AP3D1: variants seen among roughly 807,000 people sequenced by gnomAD.
AP3D1 encodes adaptor related protein complex 3 subunit delta 1, also known as AP-3 complex subunit delta-1.
A neutral mutation model predicts 147.6 loss-of-function variants in AP3D1; 51 were observed. The observed-to-expected ratio is 0.35, with a 90% CI of 0.28 to 0.44. AP3D1 has a LOEUF of 0.44. Ranked by LOEUF, AP3D1 falls within the 20% of genes least tolerant of loss-of-function variation. The pLI is 1.00. For missense variants in AP3D1, 1,421 were observed against 1,624.2 expected (o/e 0.87, Z 2.15); for synonymous variants, 760 against 663.0 (o/e 1.15, Z -2.25).
In AP3D1 at chr19:2,138,734, CAG is replaced by C. The variant is rs1164306360; in HGVS notation, c.97-22_97-21del. On this transcript the variant is annotated intron_variant, in intron 1 of 31. Coordinates refer to ENST00000643116, the MANE Select transcript of AP3D1 (RefSeq NM_001261826.3). ...TTTTGCCTATAATGGGGGATAAACA[CAG>C]AGATTACAAACATCCAGCTAAGAGG... is the stretch of plus-strand genomic sequence containing the variant. 6.5e-7 allele frequency: 1 copy of C among 1,547,852 alleles called. No individual in the cohort carries two copies. The highest frequency in any genetic ancestry group is 8.9e-7 in the Non-Finnish European group (1 of 1,123,176).
intron 6 of AP3D1, among the ~76,000 whole-genome samples, chr19:2,129,904 C>T (rs947230228): frequency 6.6e-6 from 1 of 152,202 alleles, no homozygotes; most frequent in Admixed American, 6.5e-5. Context: ...CACACAGGGC[C>T]TTGGGATTCC....
chr19:2,132,320 A>G, intron 5 of AP3D1, 151 bp downstream of exon 5: 1 of 635,520 alleles, frequency 1.6e-6, no homozygotes, highest in Non-Finnish European at 2.8e-6. Context: ...CCGCTCCACC[A>G]GCTGACAGTG....
Position 2,115,369 on chromosome 19 carries a change from G to A in AP3D1, c.2199C>T (p.His733=), listed in dbSNP as rs372714138. The A allele has an allele frequency of 8.1e-6, 13 of 1,606,740 alleles. No individual in the cohort carries two copies. In the African/African-American group the frequency reaches 1.7e-4, roughly 21 times the overall value. ...TCTTGTCCTTCTCCAGCTTCTGCCG[G>A]TGCCGCCGCTCCTCCTCCAGCTTCA... The part of the protein sequence containing the change: ...QYVKLEEERR[H]RQKLEKDKRR... Residue 733 remains histidine (H), a synonymous_variant, in exon 20 of 32, where the codon CAC becomes CAT. Transcript: ENST00000643116.
chr19:2,132,663 A>T, intron 4 of AP3D1, 85 bp from the exon 5 acceptor site: 1 of 1,198,754 alleles, frequency 8.3e-7, no homozygotes, highest in South Asian at 1.3e-5. Context: ...GCAGGAGCGA[A>T]ATTCTCCCAG....
intron 30 of AP3D1, 32 bp from the exon 31 acceptor site, chr19:2,108,798 G>T (rs557215176): frequency 6.5e-7 from 1 of 1,550,286 alleles, no homozygotes; most frequent in South Asian, 1.2e-5. Context: ...TAGGCTTCCC[G>T]GACATTGCAT....
intron 1 of AP3D1, among the ~76,000 whole-genome samples, chr19:2,159,282 G>C (rs2019675271): frequency 6.8e-6 from 1 of 146,580 alleles, no homozygotes; most frequent in Admixed American, 6.8e-5. Context: ...GCAATGGCGC[G>C]ATCTCAGCTC....
intron 14 of AP3D1, among the ~76,000 whole-genome samples, chr19:2,120,141 CAG>C (rs1234147428): frequency 1.3e-5 from 2 of 152,230 alleles, no homozygotes; most frequent in African/African-American, 4.8e-5. Flanking sequence ...GGGCCCGAGG[CAG>C]TGAGGCATAG....
chr19:2,118,143 GA>G (rs1348412402), intron 15 of AP3D1, among the ~76,000 whole-genome samples: 1 of 152,174 alleles, frequency 6.6e-6, no homozygotes, highest in Non-Finnish European at 1.5e-5. Flanking sequence ...CTGGGCAAAG[GA>G]GTGAAACTCC....
chr19:2,143,903 C>T (rs1248765177), intron 1 of AP3D1, among the ~76,000 whole-genome samples: 1 of 151,978 alleles, frequency 6.6e-6, no homozygotes, highest in Non-Finnish European at 1.5e-5. Context: ...GTCTGACCAA[C>T]GTGGAGAAAC....
chr19:2,116,849 C>A, intron 16 of AP3D1, 103 bp from the exon 17 acceptor site: 1 of 1,407,268 alleles, frequency 7.1e-7, no homozygotes, highest in Non-Finnish European at 9.4e-7. Context: ...ATGTGATATC[C>A]CAAACAGTGG....
chr19:2,155,468 A>G (rs1249224339), upstream of AP3D1, among the ~76,000 whole-genome samples: 3 of 128,892 alleles, frequency 2.3e-5, no homozygotes, highest in Non-Finnish European at 4.7e-5. Flanking sequence ...CAGGAGGTGG[A>G]GGTTGCAGTG....
At position 2,120,997 on chromosome 19, in the gene AP3D1, T is replaced by C. The variant is rs1472458107; in HGVS notation, c.1346A>G (p.Lys449Arg). The C allele has an allele frequency of 4.3e-6, 7 of 1,612,288 alleles. No homozygotes were observed. Among genetic ancestry groups the C allele is most frequent in the Non-Finnish European group, 5.9e-6 (7 of 1,179,996 alleles). ...AQMLDVAIRV[K>R]AIRKFAVSQM... ...GGACACGGCGAACTTGCGGATGGCC[T>C]TCACGCGGATGGCCACGTCCAGCAT... The change falls in exon 14 of 32, where the codon AAG (lysine) becomes AGG (arginine). Residue 449 changes from lysine (K) to arginine (R), a missense_variant. Around this residue, in one of 6 missense-constraint regions of AP3D1, gnomAD observed 310 missense variants for 388.1 expected, o/e 0.80. Coordinates refer to ENST00000643116, the MANE Select transcript of AP3D1 (RefSeq NM_001261826.3).
intron 15 of AP3D1, among the ~76,000 whole-genome samples, chr19:2,118,088 G>C (rs2018508284): frequency 6.6e-6 from 1 of 152,102 alleles, no homozygotes; most frequent in African/African-American, 2.4e-5. Flanking sequence ...TGAACCCAGG[G>C]GATGGAGGTT....
chr19:2,145,464 G>C (rs1377155173), intron 1 of AP3D1, among the ~76,000 whole-genome samples: 1 of 152,168 alleles, frequency 6.6e-6, no homozygotes, highest in African/African-American at 2.4e-5. Flanking sequence ...AGCATCTGTG[G>C]TTGCCACGAC....
intron 22 of AP3D1, 70 bp from the exon 23 acceptor site, chr19:2,113,483 G>A: frequency 1.1e-6 from 1 of 940,056 alleles, no homozygotes. Context: ...GGGGACAGCA[G>A]GGCCAAGGAG....
At chr19:2,154,275 G>GT (rs112780618), upstream of AP3D1, among the ~76,000 whole-genome samples, 6,887 of 145,172 alleles carry the variant, frequency 0.047, 218 homozygotes, top group East Asian at 0.14. Flanking sequence ...TTTATTTATG[G>GT]TTTTTTTTTT....
chr19:2,114,412 C>A (rs939919700), intron 21 of AP3D1, 110 bp from the exon 22 acceptor site: 2 of 921,822 alleles, frequency 2.2e-6, no homozygotes, highest in Non-Finnish European at 3.3e-6. Context: ...CTCCTCCAGC[C>A]CCTGGCCCCA....
At chr19:2,147,381 C>G (rs1324982465) in intron 1 of AP3D1, among the ~76,000 whole-genome samples, 1 of 142,064 alleles carries the variant, frequency 7.0e-6, no homozygotes, top group African/African-American at 2.6e-5. Flanking sequence ...AAAACACACT[C>G]AGTTCAAATT....
chr19:2,132,950 T>A (rs2018988407), intron 4 of AP3D1, among the ~76,000 whole-genome samples: 1 of 152,136 alleles, frequency 6.6e-6, no homozygotes, highest in African/African-American at 2.4e-5. Flanking sequence ...GCTGAAGCAC[T>A]CTGCGTGGGA....
Sources: gnomAD v4.1 joint callset for allele counts (sites outside exome capture counted in the v4.1 genomes callset) on GRCh38, gnomAD v4.1.1 for gene constraint, gnomAD v4.1.1 regional missense constraint, MANE v1.5 for transcripts, NCBI Gene and HGNC (gene_info 2026-07-23, HGNC 2026-07-21) for gene names.